Variants in USP44 observed in about 807,000 individuals in gnomAD.
The protein encoded by USP44 is ubiquitin carboxyl-terminal hydrolase 44.
USP44 carries 61 observed loss-of-function variants against 69.0 expected under a neutral mutation model. That is an observed-to-expected ratio of 0.88 (90% confidence interval 0.72 to 1.09). The LOEUF (loss-of-function observed/expected upper bound fraction) is 1.09, where lower values mean the gene tolerates loss of function less well. Among genes scored for constraint, USP44 ranks in the 50% least tolerant of loss-of-function variants. The pLI, the probability that USP44 is intolerant of heterozygous loss-of-function variation, is 0.00. For synonymous variants in USP44, 297 were observed against 295.4 expected, an observed-to-expected ratio of 1.01 and a Z score of -0.06; for missense variants, 753 against 849.9, an observed-to-expected ratio of 0.89 and a Z score of 1.42.
intron 1 of USP44, among the ~76,000 whole-genome samples, chr12:95,550,925 C>T (rs904843983): frequency 2.6e-5 from 4 of 152,128 alleles, no homozygotes; most frequent in Admixed American, 2.6e-4. Flanking sequence ...GACAAATTCT[C>T]ATTACTAGTG....
chr12:95,540,305 A>G (rs1274381834), intron 1 of USP44, among the ~76,000 whole-genome samples: 2 of 150,520 alleles, frequency 1.3e-5, no homozygotes, highest in Non-Finnish European at 2.9e-5. Flanking sequence ...TAGGCTAGAA[A>G]TCTTAAGGAT....
chr12:95,526,311 G>C (rs181916589), intron 3 of USP44, among the ~76,000 whole-genome samples: 1 of 152,292 alleles, frequency 6.6e-6, no homozygotes, highest in Non-Finnish European at 1.5e-5. Context: ...GGTGGCTCGC[G>C]CCTGTAATCC....
chr12:95,533,047 C>G lies in USP44; in HGVS notation c.1210G>C (p.Ala404Pro), dbSNP rs750810973. The part of the protein sequence containing the change: ...SGKWALVSPF[A>P]MLHSVWRLIP... ...AGTCTCCACACTGAGTGTAGCATAG[C>G]AAATGGTGAGACCAACGCCCACTTT... The change falls in exon 2 of 6, where the codon GCT becomes CCT. Residue 404 changes from alanine to proline, a missense_variant. Transcript: ENST00000258499. The G allele has an allele frequency of 6.2e-7, 1 of 1,614,196 alleles. No homozygotes were observed. Among genetic ancestry groups the G allele is most frequent in the Non-Finnish European group, 8.5e-7 (1 of 1,180,028 alleles).
At chr12:95,540,325 TC>T (rs1011017561) in intron 1 of USP44, among the ~76,000 whole-genome samples, 53 of 149,010 alleles carry the variant, frequency 3.6e-4, no homozygotes, top group African/African-American at 1.3e-3. Flanking sequence ...TTTTCTTTAC[TC>T]CTCCCTTCCA....
At chr12:95,543,496 A>G (rs1386712631) in intron 1 of USP44, among the ~76,000 whole-genome samples, 1 of 151,908 alleles carries the variant, frequency 6.6e-6, no homozygotes, top group Non-Finnish European at 1.5e-5. Flanking sequence ...CTAGAAAAAA[A>G]GAAGAAAAAA....
intron 1 of USP44, among the ~76,000 whole-genome samples, chr12:95,542,648 G>A (rs924803527): frequency 6.6e-6 from 1 of 152,026 alleles, no homozygotes; most frequent in Non-Finnish European, 1.5e-5. Flanking sequence ...CATAATCCCA[G>A]CTACTCGGGA....
At chr12:95,527,679 T>C (rs1207469747) in intron 3 of USP44, among the ~76,000 whole-genome samples, 1 of 151,594 alleles carries the variant, frequency 6.6e-6, no homozygotes, top group Non-Finnish European at 1.5e-5. Flanking sequence ...GAGATGGGGT[T>C]TCGCCATGTT....
At chr12:95,551,103 T>C (rs997994066) in intron 1 of USP44, among the ~76,000 whole-genome samples, 169 bp downstream of exon 1, 2 of 152,114 alleles carry the variant, frequency 1.3e-5, no homozygotes, top group Non-Finnish European at 2.9e-5. Flanking sequence ...ACCTCTCTAT[T>C]GCAATTTTAT....
At chr12:95,525,255 A>G (rs2076799648) in intron 3 of USP44, among the ~76,000 whole-genome samples, 1 of 152,076 alleles carries the variant, frequency 6.6e-6, no homozygotes, top group Non-Finnish European at 1.5e-5. Flanking sequence ...TATTTTTAGT[A>G]GAGACGGGGT....
rs1565825772 is a variant in USP44 at position 95,534,298 on chromosome 12, CTG to C, written c.-44_-43del. On this transcript the variant is annotated 5_prime_UTR_variant, in exon 2 of 6. Coordinates refer to ENST00000258499, the MANE Select transcript of USP44 (RefSeq NM_032147.5). ...AGAAATGCATAATCCAAACAAGTCT[CTG>C]TTCACAACACTTGAAGCATCTGAAA... 8 of 1,534,630 alleles carry C rather than the reference CTG, an allele frequency of 5.2e-6. No homozygotes were observed. Among genetic ancestry groups the C allele is most frequent in the Non-Finnish European group, 6.2e-6 (7 of 1,127,942 alleles).
In USP44 at chr12:95,524,505, TAAAC is replaced by T. The variant is rs567988760; in HGVS notation, c.1733+171_1733+174del. The T allele has an allele frequency of 3.8e-4, 189 of 490,944 alleles. 4 individuals are homozygous for T. The South Asian group carries it at 3.9e-3, about 10-fold the overall frequency. The allele number at this position is 490,944 out of a possible 1,614,324, so 30.4% of individuals were successfully genotyped here. On this transcript the variant is annotated intron_variant, in intron 4 of 5. Coordinates refer to ENST00000258499, the MANE Select transcript of USP44 (RefSeq NM_032147.5). ...GAGTGAGACTCGATCTCTAAATAAATAAACAAATAAGCAAATGTAAGTCATTTAC... is the reference window on the plus strand; with the variant it reads ...GAGTGAGACTCGATCTCTAAATAAATAAATAAGCAAATGTAAGTCATTTAC...
intron 1 of USP44, among the ~76,000 whole-genome samples, chr12:95,544,005 C>A (rs373169328): frequency 3.3e-4 from 40 of 120,942 alleles, no homozygotes; most frequent in Non-Finnish European, 4.2e-4. Flanking sequence ...AAACCCAAAA[C>A]AAAACAAAAA....
At chr12:95,519,076 A>G (rs891351041) in intron 5 of USP44, among the ~76,000 whole-genome samples, 3 of 152,194 alleles carry the variant, frequency 2.0e-5, no homozygotes, top group African/African-American at 7.2e-5. Context: ...TGTACATTAC[A>G]TGCACATAAG....
chr12:95,542,222 T>G (rs951558089), intron 1 of USP44, among the ~76,000 whole-genome samples: 4 of 152,216 alleles, frequency 2.6e-5, no homozygotes, highest in African/African-American at 9.6e-5. Context: ...GCTAACATTA[T>G]GCCAACTTGC....
chr12:95,526,898 A>T (rs2076854907), intron 3 of USP44, among the ~76,000 whole-genome samples: 1 of 152,066 alleles, frequency 6.6e-6, no homozygotes, highest in Non-Finnish European at 1.5e-5. Context: ...ATGTAAGTAT[A>T]TCTTATTCTT....
Position 95,517,751 on chromosome 12 carries a change from G to C in USP44, c.*403C>G. On this transcript the variant is annotated 3_prime_UTR_variant, in exon 6 of 6. Transcript: ENST00000258499. The stretch of plus-strand genomic sequence containing the variant: ...GGCAAGGTAACTTCAATATACAAAT[G>C]AAAGACTATTAGTGACCAAAGTAGA... 1 of 163,126 alleles carries C rather than the reference G, an allele frequency of 6.1e-6. No homozygotes were observed. The highest frequency in any genetic ancestry group is 1.3e-5 in the Non-Finnish European group (1 of 74,124). 10.1% of individuals were successfully genotyped at this position (163,126 alleles called of 1,614,324 possible).
At chr12:95,530,647 A>ATAGG (rs72182428) in intron 2 of USP44, among the ~76,000 whole-genome samples, 113 of 21,064 alleles carry the variant, frequency 5.4e-3, no homozygotes, top group African/African-American at 0.017. Flanking sequence ...TACTGGAAAT[A>ATAGG]TAGATAGATA....
intron 1 of USP44, among the ~76,000 whole-genome samples, chr12:95,550,269 T>C (rs922220281): frequency 6.6e-6 from 1 of 151,330 alleles, no homozygotes; most frequent in African/African-American, 2.4e-5. Context: ...CAATGTCTAA[T>C]CAATTCATGT....
At chr12:95,550,092 T>G (rs1364706688) in intron 1 of USP44, among the ~76,000 whole-genome samples, 1 of 147,770 alleles carries the variant, frequency 6.8e-6, no homozygotes, top group African/African-American at 2.5e-5. Flanking sequence ...GACAGGACAA[T>G]CGCTTGAACC....
Sources: allele counts gnomAD v4.1 joint callset (sites outside exome capture counted in the v4.1 genomes callset), GRCh38; gene constraint gnomAD v4.1.1; transcripts MANE v1.5; gene names NCBI Gene and HGNC (gene_info 2026-07-23, HGNC 2026-07-21).